The following DMXL2 variants were observed in gnomAD, a reference collection of about 807,000 sequenced individuals.
The protein encoded by DMXL2 is dmX-like protein 2.
A neutral mutation model predicts 331.1 loss-of-function variants in DMXL2; 103 were observed. The ratio of observed to expected loss-of-function variants is 0.31; its 90% confidence interval spans 0.27 to 0.37. The LOEUF (loss-of-function observed/expected upper bound fraction) is 0.37, where lower values mean the gene tolerates loss of function less well. DMXL2 is among the 10% of genes least tolerant of loss of function. The pLI is 1.00. For missense variants in DMXL2, 3,171 were observed against 3,642.9 expected (o/e 0.87, Z 3.33); for synonymous variants, 1,281 against 1,252.1 (o/e 1.02, Z -0.49).
chr15:51,601,889 C>T lies in DMXL2; in HGVS notation c.87+20570G>A, dbSNP rs928578733. Among the ~76,000 whole-genome samples, 5 of 152,144 alleles carry T rather than the reference C, an allele frequency of 3.3e-5. No individual in the cohort carries two copies. The South Asian group carries it at 6.2e-4, about 19-fold the overall frequency. ...AGTCCATGAACATAGTATTTATCTCCTTTAAGTCTCTCAATAAAGTTTATT... is the reference window on the plus strand; with the variant it reads ...AGTCCATGAACATAGTATTTATCTCTTTTAAGTCTCTCAATAAAGTTTATT... On this transcript the variant is annotated intron_variant, in intron 1 of 43. Coordinates refer to ENST00000560891, the MANE Select transcript of DMXL2 (RefSeq NM_001378457.1).
At chr15:51,478,208 A>G (rs1279742992) in intron 26 of DMXL2, 63 bp downstream of exon 26, 1 of 1,376,966 alleles carries the variant, frequency 7.3e-7, no homozygotes, top group Non-Finnish European at 1.0e-6. Context: ...GAAACTTAAT[A>G]TAACTCTGGA....
intron 13 of DMXL2, among the ~76,000 whole-genome samples, chr15:51,525,456 G>T (rs917210300): frequency 2.0e-5 from 3 of 152,158 alleles, no homozygotes; most frequent in African/African-American, 7.2e-5. Context: ...TTAGGTACCA[G>T]CTTGGCCACA....
chr15:51,500,305 C>A, intron 17 of DMXL2, 74 bp from the exon 18 acceptor site: 1 of 1,397,630 alleles, frequency 7.2e-7, no homozygotes, highest in Non-Finnish European at 9.6e-7. Context: ...TAATCAAATT[C>A]TGGAATGTGA....
In DMXL2 at chr15:51,450,263, G is replaced by A; in HGVS notation, c.8833C>T (p.His2945Tyr). The change falls in exon 43 of 44, where the codon CAC becomes TAC. Residue 2945 changes from histidine (H) to tyrosine (Y), a missense_variant. Coordinates refer to ENST00000560891, the MANE Select transcript of DMXL2 (RefSeq NM_001378457.1). ...TGCCTGATGTCAAAAATGCAGACGT[G>A]TCCTTTCCTACCCCCCGAGATTAGG... ...QLLISGGRKG[H>Y]VCIFDIRQRQ... 1 of 1,614,022 alleles carries A rather than the reference G, an allele frequency of 6.2e-7. No individual in the cohort carries two copies. The highest frequency in any genetic ancestry group is 8.5e-7 in the Non-Finnish European group (1 of 1,179,982).
At chr15:51,503,560 C>A (rs565655550) in intron 16 of DMXL2, among the ~76,000 whole-genome samples, 30 of 151,774 alleles carry the variant, frequency 2.0e-4, no homozygotes, top group Non-Finnish European at 4.4e-4. Context: ...ATAATAGATA[C>A]CAGAGAATGG....
intron 16 of DMXL2, among the ~76,000 whole-genome samples, chr15:51,506,417 C>A (rs2046400504): frequency 6.6e-6 from 1 of 150,450 alleles, no homozygotes; most frequent in Non-Finnish European, 1.5e-5. Context: ...AAGTCTCAGG[C>A]ACTCAATCAT....
intron 13 of DMXL2, among the ~76,000 whole-genome samples, chr15:51,518,345 A>G (rs1031000318): frequency 2.6e-5 from 4 of 152,154 alleles, no homozygotes; most frequent in Admixed American, 6.5e-5. Context: ...AAGGAAAAAA[A>G]AAGAAATGGT....
chr15:51,500,535 A>G (rs2043514196), intron 17 of DMXL2, among the ~76,000 whole-genome samples: 2 of 152,214 alleles, frequency 1.3e-5, no homozygotes, highest in Admixed American at 6.5e-5. Flanking sequence ...GCACTGAAAC[A>G]AGTCAGCCCT....
intron 23 of DMXL2, among the ~76,000 whole-genome samples, chr15:51,485,131 T>C (rs969872522): frequency 2.0e-5 from 3 of 149,776 alleles, no homozygotes; most frequent in Non-Finnish European, 3.0e-5. Context: ...CAAATATTCA[T>C]ATTATGGGCA....
At chr15:51,464,554 T>C in intron 32 of DMXL2, 121 bp downstream of exon 32, 1 of 751,970 alleles carries the variant, frequency 1.3e-6, no homozygotes, top group East Asian at 2.7e-5. Context: ...CGTATTCTGC[T>C]AAAAATAGGA....
intron 1 of DMXL2, among the ~76,000 whole-genome samples, chr15:51,600,340 C>T (rs998012773): frequency 2.6e-5 from 4 of 152,170 alleles, no homozygotes; most frequent in African/African-American, 9.7e-5. Flanking sequence ...AAACCCTGCA[C>T]AGATATGCCT....
In DMXL2 at chr15:51,466,173, G is replaced by A; in HGVS notation, c.7520+11C>T. The stretch of plus-strand genomic sequence containing the variant: ...CAAAAAAAAAATGAGAGAAAGAAAA[G>A]TCTTATTTACCTATAGGAATTTGGA... On this transcript the variant is annotated intron_variant, in intron 30 of 43. Transcript: ENST00000560891. 2 of 1,533,354 alleles carry A rather than the reference G, an allele frequency of 1.3e-6. No individual in the cohort carries two copies. Among genetic ancestry groups the A allele is most frequent in the South Asian group, 1.3e-5 (1 of 77,032 alleles). The allele number at this position is 1,533,354 out of a possible 1,614,324, so 95.0% of individuals were successfully genotyped here.
At chr15:51,579,487 T>A (rs2051265432) in intron 1 of DMXL2, among the ~76,000 whole-genome samples, 1 of 152,206 alleles carries the variant, frequency 6.6e-6, no homozygotes, top group Non-Finnish European at 1.5e-5. Flanking sequence ...TGGTTCCCAC[T>A]ATACTGAATG....
rs757169573 is a variant in DMXL2, at chr15:51,456,104, T to C, written c.8488A>G (p.Arg2830Gly). 2.5e-6 allele frequency: 4 copies of C among 1,614,184 alleles called. No individual in the cohort carries two copies. The highest frequency in any genetic ancestry group is 3.4e-6 in the Non-Finnish European group (4 of 1,180,028). ...LVCFRQAGNA[R>G]VTRLYFNSQG... Reference sequence around the variant, plus strand: ...GAATTAAAATATAATCTAGTAACTCTTGCATTGCCAGCTTGACGAAAGCAG... The same window carrying C: ...GAATTAAAATATAATCTAGTAACTCCTGCATTGCCAGCTTGACGAAAGCAG... Residue 2830 changes from arginine (R) to glycine (G), a missense_variant, in exon 39 of 44, where the codon AGA becomes GGA. Coordinates refer to ENST00000560891, the MANE Select transcript of DMXL2 (RefSeq NM_001378457.1).
chr15:51,471,156 C>A, intron 29 of DMXL2, 67 bp downstream of exon 29: 1 of 1,435,980 alleles, frequency 7.0e-7, no homozygotes, highest in Non-Finnish European at 9.5e-7. Context: ...CTATGTGAGA[C>A]ACATGCAAGA....
chr15:51,527,040 G>A (rs1372511944), intron 13 of DMXL2, among the ~76,000 whole-genome samples: 1 of 152,100 alleles, frequency 6.6e-6, no homozygotes, highest in African/African-American at 2.4e-5. Context: ...GTACAAGAAG[G>A]CTATAGAACG....
chr15:51,496,265 T>C (rs1202760913), intron 18 of DMXL2, among the ~76,000 whole-genome samples: 4 of 151,948 alleles, frequency 2.6e-5, no homozygotes, highest in African/African-American at 9.7e-5. Context: ...TTTTAGGAGG[T>C]AGAGACAAAC....
At chr15:51,534,023 A>C (rs2048147239) in intron 13 of DMXL2, among the ~76,000 whole-genome samples, 2 of 152,194 alleles carry the variant, frequency 1.3e-5, no homozygotes, top group East Asian at 3.8e-4. Flanking sequence ...ATAGGTCTAC[A>C]TTTGGACCCC....
intron 40 of DMXL2, 24 bp downstream of exon 40, chr15:51,455,127 C>T (rs768589908): frequency 4.4e-6 from 7 of 1,587,096 alleles, no homozygotes; most frequent in Middle Eastern, 1.7e-4. Context: ...TATATGCGCC[C>T]TGGGAACATT....
Sources: allele counts gnomAD v4.1 joint callset (sites outside exome capture counted in the v4.1 genomes callset), GRCh38; gene constraint gnomAD v4.1.1; transcripts MANE v1.5; gene names NCBI Gene and HGNC (gene_info 2026-07-23, HGNC 2026-07-21).